MGAT5: variants seen among roughly 807,000 people sequenced by gnomAD.
MGAT5 encodes alpha-1,6-mannosylglycoprotein 6-beta-N-acetylglucosaminyltransferase.
A neutral mutation model predicts 94.3 loss-of-function variants in MGAT5; 30 were observed. The observed-to-expected ratio is 0.32, with a 90% CI of 0.24 to 0.43. MGAT5 has a LOEUF of 0.43. Ranked by LOEUF, MGAT5 falls within the 20% of genes least tolerant of loss-of-function variation. The probability of loss-of-function intolerance (pLI) is 1.00; values close to 1 mark genes in which losing one functional copy is unlikely to be tolerated. For synonymous variants in MGAT5, 310 were observed against 322.9 expected (o/e 0.96, Z 0.43); for missense variants, 691 against 905.5 (o/e 0.76, Z 3.04).
At chr2:134,438,624 T>C (rs1231673779) in intron 14 of MGAT5, among the ~76,000 whole-genome samples, 1 of 152,248 alleles carries the variant, frequency 6.6e-6, no homozygotes, top group Admixed American at 6.5e-5. Context: ...ACAGTCATGC[T>C]GTCTGCCTTA....
intron 11 of MGAT5, among the ~76,000 whole-genome samples, chr2:134,405,419 C>T (rs1683276900): frequency 2.6e-5 from 4 of 152,132 alleles, no homozygotes; most frequent in African/African-American, 7.2e-5. Context: ...GATGGGGCAG[C>T]GTATTGCTGA....
chr2:134,401,453 C>T lies in MGAT5; in HGVS notation c.1381-1535C>T, dbSNP rs576025130. Among the ~76,000 whole-genome samples the T allele has an allele frequency of 8.3e-4, 126 of 152,206 alleles. 1 individual carries two copies. Among genetic ancestry groups the T allele is most frequent in the African/African-American group, 9.6e-5 (4 of 41,552 alleles). ...TGCTGGCCAGCCTAGGAGTGGGTCCCCTCAGGTCAGACACACCCTGGGCAG... is the reference window on the plus strand; with the variant it reads ...TGCTGGCCAGCCTAGGAGTGGGTCCTCTCAGGTCAGACACACCCTGGGCAG... On this transcript the variant is annotated intron_variant, in intron 10 of 15. Coordinates refer to ENST00000281923, the MANE Select transcript of MGAT5 (RefSeq NM_002410.5).
intron 2 of MGAT5, among the ~76,000 whole-genome samples, chr2:134,316,516 T>C (rs1687008061): frequency 6.6e-6 from 1 of 152,180 alleles, no homozygotes; most frequent in Non-Finnish European, 1.5e-5. Flanking sequence ...GTTACATTGT[T>C]CATTGTTCAT....
At chr2:134,121,693 C>T (rs927847533) in intron 1 of MGAT5, among the ~76,000 whole-genome samples, 1 of 152,190 alleles carries the variant, frequency 6.6e-6, no homozygotes, top group African/African-American at 2.4e-5. Flanking sequence ...GTGTGGGGTT[C>T]GGGTGGATGG....
chr2:134,361,096 C>T (rs190635469), intron 9 of MGAT5, among the ~76,000 whole-genome samples: 62 of 152,338 alleles, frequency 4.1e-4, no homozygotes, highest in African/African-American at 1.4e-3. Flanking sequence ...CTGGCCTTTG[C>T]CCATCTGTCT....
intron 2 of MGAT5, among the ~76,000 whole-genome samples, chr2:134,279,388 C>G (rs1684563788): frequency 6.6e-6 from 1 of 151,954 alleles, no homozygotes; most frequent in South Asian, 2.1e-4. Context: ...TAATTATAAA[C>G]CTGTAAGTAG....
intron 7 of MGAT5, among the ~76,000 whole-genome samples, chr2:134,344,353 T>G (rs912079821): frequency 6.6e-6 from 1 of 152,018 alleles, no homozygotes; most frequent in African/African-American, 2.4e-5. Flanking sequence ...GAGAAAAAGT[T>G]AAGGAACAGT....
At chr2:134,354,549 C>T (rs1297908673) in intron 9 of MGAT5, among the ~76,000 whole-genome samples, 1 of 152,154 alleles carries the variant, frequency 6.6e-6, no homozygotes, top group South Asian at 2.1e-4. Flanking sequence ...TCTGTTTCTC[C>T]TCTAACTCGT....
intron 1 of MGAT5, among the ~76,000 whole-genome samples, chr2:134,141,212 A>G (rs892302380): frequency 6.6e-6 from 1 of 152,190 alleles, no homozygotes; most frequent in Non-Finnish European, 1.5e-5. Context: ...GATGCCAAGC[A>G]CCACACTCTT....
At chr2:134,153,618 A>G (rs1472056978) in intron 1 of MGAT5, among the ~76,000 whole-genome samples, 1 of 152,130 alleles carries the variant, frequency 6.6e-6, no homozygotes, top group African/African-American at 2.4e-5. Context: ...TTTCCAGCCC[A>G]TGTTGTTATT....
intron 10 of MGAT5, among the ~76,000 whole-genome samples, chr2:134,370,980 G>A (rs958855711): frequency 6.6e-6 from 1 of 152,060 alleles, no homozygotes; most frequent in Non-Finnish European, 1.5e-5. Flanking sequence ...CATGGGACCC[G>A]GGGGTAGCCT....
In MGAT5 at chr2:134,365,620, G is replaced by A. The variant is rs564336766; in HGVS notation, c.1380+3212G>A. 2.0e-5 allele frequency among the ~76,000 whole-genome samples: 3 copies of A among 152,278 alleles called. No individual in the cohort carries two copies. In the East Asian group the frequency reaches 5.8e-4, roughly 29 times the overall value. On this transcript the variant is annotated intron_variant, in intron 10 of 15. Transcript: ENST00000281923. ...CACAAGGAGAGGCACCACCCTGACAGAATTAGGGTGCAGTGGAGGGCCTGA... is the reference window on the plus strand; with the variant it reads ...CACAAGGAGAGGCACCACCCTGACAAAATTAGGGTGCAGTGGAGGGCCTGA...
At chr2:134,136,227 A>G (rs1008967671) in intron 1 of MGAT5, among the ~76,000 whole-genome samples, 5 of 152,174 alleles carry the variant, frequency 3.3e-5, no homozygotes, top group African/African-American at 1.2e-4. Flanking sequence ...GTATTATTTA[A>G]TGTGTTAAGA....
At chr2:134,388,267 C>A (rs1682155553) in intron 10 of MGAT5, among the ~76,000 whole-genome samples, 1 of 152,044 alleles carries the variant, frequency 6.6e-6, no homozygotes, top group Non-Finnish European at 1.5e-5. Context: ...GTATAATGAG[C>A]CCCCATGTAC....
chr2:134,229,895 A>G (rs1262700338), intron 1 of MGAT5, among the ~76,000 whole-genome samples: 1 of 152,238 alleles, frequency 6.6e-6, no homozygotes, highest in Non-Finnish European at 1.5e-5. Flanking sequence ...AAAACAAATA[A>G]TCAGTAAGTA....
chr2:134,197,092 G>A (rs1200213398), intron 1 of MGAT5, among the ~76,000 whole-genome samples: 1 of 152,204 alleles, frequency 6.6e-6, no homozygotes, highest in African/African-American at 2.4e-5. Context: ...GGATGTATGT[G>A]GTGGATGGTA....
chr2:134,308,692 T>C (rs958300308), intron 2 of MGAT5, among the ~76,000 whole-genome samples: 6 of 152,328 alleles, frequency 3.9e-5, no homozygotes, highest in Admixed American at 1.3e-4. Flanking sequence ...AACAGCTTTA[T>C]TGAGATAATT....
At chr2:134,153,658 T>A (rs1687333431) in intron 1 of MGAT5, among the ~76,000 whole-genome samples, 1 of 152,222 alleles carries the variant, frequency 6.6e-6, no homozygotes, top group Non-Finnish European at 1.5e-5. Flanking sequence ...ATGCTTTGCC[T>A]TTACAGGCTT....
intron 1 of MGAT5, among the ~76,000 whole-genome samples, chr2:134,254,908 TC>T (rs1682838039): frequency 6.6e-6 from 1 of 152,204 alleles, no homozygotes; most frequent in Non-Finnish European, 1.5e-5. Flanking sequence ...TGCAGCTAGC[TC>T]CTTCTCCCTG....
Sources: gnomAD v4.1 joint callset for allele counts (sites outside exome capture counted in the v4.1 genomes callset) on GRCh38, gnomAD v4.1.1 for gene constraint, MANE v1.5 for transcripts, NCBI Gene and HGNC (gene_info 2026-07-23, HGNC 2026-07-21) for gene names.